DCC: variants seen among roughly 807,000 people sequenced by gnomAD.
DCC encodes netrin receptor DCC.
Under a neutral mutation model 172.5 loss-of-function variants are expected in DCC, and 58 were observed. That is an observed-to-expected ratio of 0.34 (90% CI 0.27 to 0.42). The LOEUF (loss-of-function observed/expected upper bound fraction) is 0.42. Among genes scored for constraint, DCC ranks in the 10% least tolerant of loss-of-function variants. The probability of loss-of-function intolerance (pLI) is 1.00; values close to 1 mark genes in which losing one functional copy is unlikely to be tolerated. For missense variants in DCC, 1,740 were observed against 1,791.0 expected, an observed-to-expected ratio of 0.97 and a Z score of 0.51; for synonymous variants, 709 against 644.5, an observed-to-expected ratio of 1.10 and a Z score of -1.52.
At chr18:53,108,822 G>A (rs770909386) in intron 7 of DCC, among the ~76,000 whole-genome samples, 52 of 151,420 alleles carry the variant, frequency 3.4e-4, no homozygotes, top group Non-Finnish European at 6.5e-4. Context: ...TTACTTATGC[G>A]TTCTACCAAT....
chr18:53,378,235 A>G (rs1401621670), intron 15 of DCC, among the ~76,000 whole-genome samples: 3 of 152,150 alleles, frequency 2.0e-5, no homozygotes, highest in Non-Finnish European at 4.4e-5. Flanking sequence ...TGCTGGAATT[A>G]CAGGTGTGAG....
intron 3 of DCC, among the ~76,000 whole-genome samples, chr18:52,921,252 G>C (rs1164455356): frequency 6.6e-6 from 1 of 152,168 alleles, no homozygotes; most frequent in African/African-American, 2.4e-5. Context: ...GTTTGTAATA[G>C]GAGAAACTGC....
chr18:53,501,022 T>A (rs1358755095), intron 27 of DCC, among the ~76,000 whole-genome samples: 1 of 152,180 alleles, frequency 6.6e-6, no homozygotes, highest in African/African-American at 2.4e-5. Context: ...ACTGAAATTC[T>A]GGTGCCAAGA....
At chr18:53,196,982 GC>G (rs1204292374) in intron 9 of DCC, among the ~76,000 whole-genome samples, 3 of 151,912 alleles carry the variant, frequency 2.0e-5, no homozygotes, top group Non-Finnish European at 4.4e-5. Flanking sequence ...TTGCCTGCAG[GC>G]TTTTTGATGT....
At position 53,236,863 on chromosome 18, in the gene DCC, A is replaced by C. The variant is rs146666838; in HGVS notation, c.1911+21266A>C. ...GAATTATTTAGTGCCTTTCTTGAAA[A>C]CAGTTGACCATATATGTATGCACAT... On this transcript the variant is annotated intron_variant, in intron 12 of 28. Transcript: ENST00000442544. 3.2e-4 allele frequency among the ~76,000 whole-genome samples: 49 copies of C among 152,150 alleles called. No homozygotes were observed. The East Asian group carries it at 9.5e-3, about 29-fold the overall frequency.
At chr18:52,792,322 A>G (rs28848907) in intron 2 of DCC, among the ~76,000 whole-genome samples, 6,561 of 152,270 alleles carry the variant, frequency 0.043, 222 homozygotes, top group South Asian at 0.16. Flanking sequence ...AAAACTTCCT[A>G]CACATTGCAT....
At chr18:53,337,618 C>T (rs1015470048) in intron 14 of DCC, among the ~76,000 whole-genome samples, 1 of 152,196 alleles carries the variant, frequency 6.6e-6, no homozygotes, top group Non-Finnish European at 1.5e-5. Context: ...TAATAGCTTT[C>T]CCTTTTTGCC....
chr18:52,654,532 A>C (rs1362478894), intron 1 of DCC, among the ~76,000 whole-genome samples: 1 of 152,186 alleles, frequency 6.6e-6, no homozygotes, highest in African/African-American at 2.4e-5. Context: ...TCTTTGGCTT[A>C]TGGATGGCTA....
intron 2 of DCC, among the ~76,000 whole-genome samples, chr18:52,838,614 G>A (rs2038753954): frequency 6.6e-6 from 1 of 152,078 alleles, no homozygotes; most frequent in Non-Finnish European, 1.5e-5. Context: ...ACAATAATAA[G>A]TATTTACTCA....
chr18:52,994,644 T>C (rs1478536780), intron 5 of DCC, among the ~76,000 whole-genome samples: 1 of 152,176 alleles, frequency 6.6e-6, no homozygotes, highest in Non-Finnish European at 1.5e-5. Flanking sequence ...ATAATTCTAG[T>C]TAAATGTTTT....
At chr18:52,400,164 G>A (rs1252301414) in intron 1 of DCC, among the ~76,000 whole-genome samples, 4 of 151,818 alleles carry the variant, frequency 2.6e-5, no homozygotes, top group African/African-American at 9.7e-5. Context: ...TTTTGTTCTG[G>A]CACTTTTCAA....
chr18:52,502,299 A>AGGT (rs2144629293), intron 1 of DCC, among the ~76,000 whole-genome samples: 1 of 152,326 alleles, frequency 6.6e-6, no homozygotes, highest in South Asian at 2.1e-4. Context: ...AGGGACAAGA[A>AGGT]TATTGACTAT....
intron 3 of DCC, among the ~76,000 whole-genome samples, 176 bp downstream of exon 3, chr18:52,906,504 TTC>T (rs1464647143): frequency 7.8e-6 from 1 of 128,176 alleles, no homozygotes; most frequent in East Asian, 2.0e-4. Context: ...CCAAAAGCTG[TTC>T]TTTTTTTTTT....
intron 27 of DCC, 32 bp downstream of exon 27, chr18:53,499,542 C>A (rs1306235851): frequency 1.3e-6 from 2 of 1,556,042 alleles, no homozygotes; most frequent in Non-Finnish European, 1.8e-6. Context: ...CTTTAAAATT[C>A]TTATTATTAT....
chr18:53,022,090 C>G (rs934456845), intron 5 of DCC, among the ~76,000 whole-genome samples: 4 of 151,996 alleles, frequency 2.6e-5, no homozygotes, highest in African/African-American at 9.7e-5. Flanking sequence ...ATTAATTGAT[C>G]TAAATATTTT....
At chr18:53,198,724 T>C (rs2055488634) in intron 9 of DCC, among the ~76,000 whole-genome samples, 1 of 152,218 alleles carries the variant, frequency 6.6e-6, no homozygotes. Context: ...ACAGGTGTTA[T>C]AATGAATTTC....
At chr18:52,631,740 GC>G (rs1225170089) in intron 1 of DCC, among the ~76,000 whole-genome samples, 1 of 152,166 alleles carries the variant, frequency 6.6e-6, no homozygotes, top group Non-Finnish European at 1.5e-5. Context: ...ATTAATTTAT[GC>G]TTTGAAATTT....
In DCC at chr18:53,207,759, T is replaced by C; in HGVS notation, c.1803T>C (p.Tyr601=). 6.2e-7 allele frequency: 1 copy of C among 1,613,030 alleles called. No homozygotes were observed. Among genetic ancestry groups the C allele is most frequent in the Non-Finnish European group, 8.5e-7 (1 of 1,179,016 alleles). Residue 601 remains tyrosine, a synonymous_variant, in exon 11 of 29, where the codon TAT becomes TAC. Transcript: ENST00000442544. ...AATATAGTCTTCGATTCTTAGCTTA[T>C]AATCGCTATGGTCCGGGCGTCTCTA... ...FTEYSLRFLA[Y]NRYGPGVSTD...
At chr18:53,441,205 G>C (rs1271010581) in intron 22 of DCC, among the ~76,000 whole-genome samples, 1 of 152,272 alleles carries the variant, frequency 6.6e-6, no homozygotes, top group East Asian at 1.9e-4. Context: ...GAGAAGCTCT[G>C]AGAAAATAAA....
Sources: gnomAD v4.1 joint callset for allele counts (sites outside exome capture counted in the v4.1 genomes callset) on GRCh38, gnomAD v4.1.1 for gene constraint, MANE v1.5 for transcripts, NCBI Gene and HGNC (gene_info 2026-07-23, HGNC 2026-07-21) for gene names.